LARP7: variants seen among roughly 807,000 people sequenced by gnomAD.
The protein encoded by LARP7 is La ribonucleoprotein 7, transcriptional regulator.
Under a neutral mutation model 69.3 loss-of-function variants are expected in LARP7, and 52 were observed. The observed-to-expected ratio is 0.75, with a 90% confidence interval of 0.60 to 0.95. LARP7 has a LOEUF of 0.95. Among genes scored for constraint, LARP7 ranks in the 40% least tolerant of loss-of-function variants. The probability of loss-of-function intolerance (pLI) is 0.00; values close to 1 mark genes in which losing one functional copy is unlikely to be tolerated. For synonymous variants in LARP7, 254 were observed against 215.9 expected (o/e 1.18, Z -1.55); for missense variants, 733 against 673.0 (o/e 1.09, Z -0.99).
At chr4:112,656,746 A>G (rs757739684) in intron 12 of LARP7, among the ~76,000 whole-genome samples, 17 of 152,202 alleles carry the variant, frequency 1.1e-4, no homozygotes, top group Admixed American at 3.3e-4. Flanking sequence ...ATTCACCTCA[A>G]TGATGAATAA....
Position 112,644,702 on chromosome 4 carries a change from A to G in LARP7, c.33A>G (p.Val11=). 1 of 1,610,268 alleles carries G rather than the reference A, an allele frequency of 6.2e-7. No individual in the cohort carries two copies. The highest frequency in any genetic ancestry group is 8.5e-7 in the Non-Finnish European group (1 of 1,177,768). ...CTGAAAGTGGAAATCAGGAAAAGGTAATGGAAGAAGAAAGCACTGAAAAGA... is the reference window on the plus strand; with the variant it reads ...CTGAAAGTGGAAATCAGGAAAAGGTGATGGAAGAAGAAAGCACTGAAAAGA... METESGNQEK[V]MEEESTEKKK... is the part of the protein sequence containing the mutation. The change falls in exon 2 of 13, where the codon GTA becomes GTG. Residue 11 remains valine, a synonymous_variant. Coordinates refer to ENST00000344442, the MANE Select transcript of LARP7 (RefSeq NM_016648.4).
chr4:112,646,555 T>C (rs1009902869), intron 3 of LARP7, 33 bp from the exon 4 acceptor site: 4 of 1,314,152 alleles, frequency 3.0e-6, no homozygotes, highest in Non-Finnish European at 4.2e-6. Flanking sequence ...ATAAATAATA[T>C]TAGTTTTATT....
intron 8 of LARP7, chr4:112,648,491 A>G (rs779056483): frequency 1.9e-6 from 1 of 534,498 alleles, no homozygotes; most frequent in Non-Finnish European, 3.8e-6. Context: ...ATTCACTCCT[A>G]CTAAAACATG....
chr4:112,652,997 G>A, intron 10 of LARP7, 80 bp from the exon 11 acceptor site: 1 of 1,069,054 alleles, frequency 9.4e-7, no homozygotes, highest in Non-Finnish European at 1.3e-6. Flanking sequence ...AATATATTCT[G>A]GCATAACCAT....
At chr4:112,649,508 CT>C in intron 8 of LARP7, 26 bp from the exon 9 acceptor site, 1 of 1,544,390 alleles carries the variant, frequency 6.5e-7, no homozygotes, top group Non-Finnish European at 8.7e-7. Context: ...ATTTAGTCAT[CT>C]GTTATCACCA....
Position 112,644,781 on chromosome 4 carries a change from A to G in LARP7, c.112A>G (p.Ile38Val). Residue 38 changes from isoleucine (I) to valine (V), a missense_variant, in exon 2 of 13, where the codon ATT (isoleucine) becomes GTT (valine). Ile to Val is a conservative substitution (Grantham distance 29). Transcript: ENST00000344442. Reference protein sequence around the residue: ...RSRVKQVLADIAKQVDFWFGD... With the variant: ...RSRVKQVLADVAKQVDFWFGD... ...ACGAGTTAAACAGGTGCTTGCAGAT[A>G]TTGCTAAGCAAGTGGACTTCTGGTT... 2 of 1,608,768 alleles carry G rather than the reference A, an allele frequency of 1.2e-6. No homozygotes were observed. The highest frequency in any genetic ancestry group is 1.1e-5 in the South Asian group (1 of 90,566).
At chr4:112,643,383 G>A (rs1384534649) in intron 1 of LARP7, among the ~76,000 whole-genome samples, 1 of 152,158 alleles carries the variant, frequency 6.6e-6, no homozygotes, top group Non-Finnish European at 1.5e-5. Context: ...AAAGAGAACA[G>A]GTTTAAAAGA....
At chr4:112,656,397 C>CA (rs1299479943) in intron 12 of LARP7, among the ~76,000 whole-genome samples, 2 of 150,892 alleles carry the variant, frequency 1.3e-5, no homozygotes, top group East Asian at 4.0e-4. Context: ...GACTCTGTCT[C>CA]AAAAAAACGA....
At chr4:112,654,346 A>G (rs1469252094) in intron 12 of LARP7, 187 bp downstream of exon 12, 2 of 482,492 alleles carry the variant, frequency 4.1e-6, no homozygotes, top group Non-Finnish European at 7.4e-6. Context: ...TATGAAATTG[A>G]ATTATTTTTC....
In LARP7 at chr4:112,653,234, C is replaced by T. The variant is rs746962163; in HGVS notation, c.1574C>T (p.Ser525Phe). The T allele has an allele frequency of 1.9e-6, 3 of 1,572,006 alleles. No homozygotes were observed. The highest frequency in any genetic ancestry group is 2.6e-6 in the Non-Finnish European group (3 of 1,166,174). ...KKHCWKLEIL[S>F]GDHEQRYWQK... ...CACTGCTGGAAACTCGAGATCCTTTCTGGTAAAACTTCATAGACGTTTCCT... is the reference window on the plus strand; with the variant it reads ...CACTGCTGGAAACTCGAGATCCTTTTTGGTAAAACTTCATAGACGTTTCCT... Residue 525 changes from serine to phenylalanine, a missense_variant and splice_region_variant, in exon 11 of 13, where the codon TCT becomes TTT. Physicochemically the swap from Ser to Phe is radical, Grantham distance 155. Transcript: ENST00000344442.
At chr4:112,641,399 A>AT (rs1472188992) in intron 1 of LARP7, among the ~76,000 whole-genome samples, 111 of 152,270 alleles carry the variant, frequency 7.3e-4, no homozygotes, top group Non-Finnish European at 1.8e-4. Flanking sequence ...GGGAAAAAAA[A>AT]AAAAAGAAAC....
chr4:112,646,801 C>G lies in LARP7; in HGVS notation c.398C>G (p.Pro133Arg). 1.3e-6 allele frequency: 2 copies of G among 1,582,924 alleles called. No homozygotes were observed. Among genetic ancestry groups the G allele is most frequent in the Non-Finnish European group, 1.7e-6 (2 of 1,170,912 alleles). The change falls in exon 5 of 13, where the codon CCC becomes CGC. Residue 133 changes from proline to arginine, a missense_variant. Pro to Arg is a moderately radical substitution (Grantham distance 103, BLOSUM62 -2). Coordinates refer to ENST00000344442, the MANE Select transcript of LARP7 (RefSeq NM_016648.4). Reference protein sequence around the residue: ...DERTVYVELLPKNVNHSWIER... With the variant: ...DERTVYVELLRKNVNHSWIER... ...TTTAATTTATAATAGGAGTTACTTC[C>G]CAAAAATGTTAATCACAGCTGGATT...
intron 1 of LARP7, among the ~76,000 whole-genome samples, chr4:112,639,824 A>G (rs956674228): frequency 2.6e-5 from 4 of 152,160 alleles, no homozygotes; most frequent in African/African-American, 9.7e-5. Context: ...ATTGGATAGA[A>G]TAATTGGATA....
At chr4:112,651,403 A>G (rs919893584) in intron 10 of LARP7, among the ~76,000 whole-genome samples, 2 of 152,066 alleles carry the variant, frequency 1.3e-5, no homozygotes, top group Non-Finnish European at 2.9e-5. Flanking sequence ...CCTCTTTGCA[A>G]TGTTGGTGAA....
intron 1 of LARP7, chr4:112,644,286 G>A (rs2048076149): frequency 6.9e-6 from 2 of 290,724 alleles, no homozygotes; most frequent in Non-Finnish European, 1.2e-5. Context: ...GGGTGGGGCG[G>A]GGGCGGGGGG....
rs1007718480 is a variant in LARP7 at position 112,657,152 on chromosome 4, T to C, written c.1669-95T>C. 7.3e-6 allele frequency: 4 copies of C among 545,282 alleles called. No homozygotes were observed. In the East Asian group the frequency reaches 1.0e-4, roughly 14 times the overall value. 33.8% of individuals were successfully genotyped at this position (545,282 alleles called of 1,614,324 possible). On this transcript the variant is annotated intron_variant, in intron 12 of 12. Coordinates refer to ENST00000344442, the MANE Select transcript of LARP7 (RefSeq NM_016648.4). ...TCCATTTAAGCTGATAGCTGTGAAA[T>C]TTTTTCTAGTCATAGTTTTGTGTGT...
Position 112,654,114 on chromosome 4 carries a change from G to A in LARP7, c.1623G>A (p.Gln541=), listed in dbSNP as rs1024869777. 2 of 1,613,798 alleles carry A rather than the reference G, an allele frequency of 1.2e-6. No homozygotes were observed. Among genetic ancestry groups the A allele is most frequent in the Non-Finnish European group, 1.7e-6 (2 of 1,179,914 alleles). ...RYWQKILVDR[Q]AKLNQPREKK... is the part of the protein sequence containing the mutation. ...GGCAGAAGATTTTGGTTGATAGACA[G>A]GCAAAACTTAATCAGCCTCGGGAAA... Residue 541 remains glutamine, a synonymous_variant, in exon 12 of 13, where the codon CAG becomes CAA. Coordinates refer to ENST00000344442, the MANE Select transcript of LARP7 (RefSeq NM_016648.4).
intron 1 of LARP7, among the ~76,000 whole-genome samples, chr4:112,639,878 G>GATTATCAATTATAGAATTATA (rs2047892121): frequency 6.6e-6 from 1 of 151,966 alleles, no homozygotes. Context: ...TATAATTATA[G>GATTATCAATTATAGAATTATA]ATTATCAATT....
At position 112,646,270 on chromosome 4, in the gene LARP7, G is replaced by A. The variant is rs956143536; in HGVS notation, c.203-81G>A. Reference sequence around the variant, plus strand: ...CAGGCATGAGCCACCGAGCCTGAGGGCCTGAGGGGCAGGTTAAATTGTACC... The same window carrying A: ...CAGGCATGAGCCACCGAGCCTGAGGACCTGAGGGGCAGGTTAAATTGTACC... On this transcript the variant is annotated intron_variant, in intron 2 of 12. Transcript: ENST00000344442. The A allele has an allele frequency of 1.6e-5, 11 of 682,178 alleles. No homozygotes were observed. The Admixed American group carries it at 2.9e-4, about 18-fold the overall frequency. 42.3% of individuals were successfully genotyped at this position (682,178 alleles called of 1,614,324 possible).
Sources: gnomAD v4.1 joint callset for allele counts (sites outside exome capture counted in the v4.1 genomes callset) on GRCh38, gnomAD v4.1.1 for gene constraint, MANE v1.5 for transcripts, NCBI Gene and HGNC (gene_info 2026-07-23, HGNC 2026-07-21) for gene names.